The following SLIT3 variants were observed in gnomAD, a reference collection of about 807,000 sequenced individuals.
SLIT3 encodes slit homolog 3 protein.
Under a neutral mutation model 184.0 loss-of-function variants are expected in SLIT3, and 68 were observed. The ratio of observed to expected loss-of-function variants is 0.37; its 90% CI spans 0.30 to 0.45. SLIT3 has a LOEUF of 0.45. SLIT3 is among the 20% of genes least tolerant of loss of function. SLIT3 has a pLI of 1.00. For missense variants in SLIT3, 1,707 were observed against 2,026.0 expected, an observed-to-expected ratio of 0.84 and a Z score of 3.02; for synonymous variants, 831 against 828.6, an observed-to-expected ratio of 1.00 and a Z score of -0.05.
intron 27 of SLIT3, among the ~76,000 whole-genome samples, chr5:168,700,267 G>T (rs1762175026): frequency 6.6e-6 from 1 of 152,152 alleles, no homozygotes; most frequent in African/African-American, 2.4e-5. Context: ...AAGTGTCAAG[G>T]GTGGGGCCAG....
intron 31 of SLIT3, 67 bp downstream of exon 31, chr5:168,685,620 T>A: frequency 6.7e-7 from 1 of 1,490,884 alleles, no homozygotes; most frequent in Non-Finnish European, 8.9e-7. Flanking sequence ...TTCCAGCAAT[T>A]TTCTGAACTA....
At chr5:168,723,135 T>G in intron 21 of SLIT3, 131 bp from the exon 22 acceptor site, 1 of 686,498 alleles carries the variant, frequency 1.5e-6, no homozygotes, top group South Asian at 1.7e-5. Flanking sequence ...ACCTATTCAT[T>G]AATTCACTCA....
chr5:168,801,598 C>A lies in SLIT3; in HGVS notation c.935+4848G>T, dbSNP rs565702761. On this transcript the variant is annotated intron_variant, in intron 9 of 35. Transcript: ENST00000519560. ...AGAGCAAAAGTGGAAGAAGATGGGA[C>A]TCTAAAGACAGATGGTCCCTCCAGA... 4.6e-5 allele frequency among the ~76,000 whole-genome samples: 7 copies of A among 152,296 alleles called. No individual in the cohort carries two copies. In the East Asian group the frequency reaches 1.4e-3, roughly 29 times the overall value.
At chr5:168,708,317 C>A (rs923492904) in intron 25 of SLIT3, 13 of 603,128 alleles carry the variant, frequency 2.2e-5, no homozygotes, top group Non-Finnish European at 3.8e-5. Flanking sequence ...AGTGGGACAT[C>A]ATTCAGAAAC....
At chr5:169,074,488 G>T (rs376258173) in intron 4 of SLIT3, among the ~76,000 whole-genome samples, 198 of 152,198 alleles carry the variant, frequency 1.3e-3, no homozygotes, top group Middle Eastern at 0.01. Flanking sequence ...TGTCCCAAAA[G>T]TTTTTCAATT....
intron 4 of SLIT3, among the ~76,000 whole-genome samples, chr5:168,955,530 C>A (rs113995320): frequency 0.016 from 2,462 of 152,284 alleles, 76 homozygotes; most frequent in African/African-American, 0.055. Flanking sequence ...GGTCTAGGAA[C>A]CTAAGCCATG....
intron 4 of SLIT3, among the ~76,000 whole-genome samples, chr5:169,130,512 G>T (rs1761254665): frequency 6.6e-6 from 1 of 152,142 alleles, no homozygotes; most frequent in East Asian, 1.9e-4. Context: ...ATAACACCTG[G>T]TTGACAGAGC....
intron 5 of SLIT3, among the ~76,000 whole-genome samples, chr5:168,852,194 C>T (rs1486197609): frequency 6.6e-6 from 1 of 152,148 alleles, no homozygotes; most frequent in Admixed American, 6.6e-5. Context: ...CCGGCAGAGG[C>T]GCAGGAGGGA....
At chr5:168,882,350 GGGCCCA>G (rs1163648598) in intron 5 of SLIT3, among the ~76,000 whole-genome samples, 1 of 152,178 alleles carries the variant, frequency 6.6e-6, no homozygotes, top group Non-Finnish European at 1.5e-5. Context: ...GTCCTTGTAG[GGGCCCA>G]GGAGTCACGA....
At chr5:168,928,134 T>C (rs1761886677) in intron 4 of SLIT3, among the ~76,000 whole-genome samples, 2 of 152,344 alleles carry the variant, frequency 1.3e-5, no homozygotes, top group South Asian at 4.1e-4. Flanking sequence ...ACAGGTACTC[T>C]TTGTTTAATG....
chr5:169,015,156 G>A (rs1431939331), intron 4 of SLIT3, among the ~76,000 whole-genome samples: 1 of 151,664 alleles, frequency 6.6e-6, no homozygotes, highest in Non-Finnish European at 1.5e-5. Flanking sequence ...GGCTCAGCCT[G>A]GTTTTTCTGT....
intron 5 of SLIT3, among the ~76,000 whole-genome samples, chr5:168,852,911 T>G (rs939856648): frequency 1.3e-5 from 2 of 152,254 alleles, no homozygotes; most frequent in East Asian, 3.8e-4. Context: ...GTGGCATTAC[T>G]TAATTTTATT....
chr5:168,690,875 C>T (rs144187713), intron 29 of SLIT3, among the ~76,000 whole-genome samples: 7 of 152,258 alleles, frequency 4.6e-5, no homozygotes, highest in East Asian at 1.9e-4. Context: ...AAGGAAGACA[C>T]GATAAAAGAC....
intron 1 of SLIT3, among the ~76,000 whole-genome samples, chr5:169,255,285 G>C (rs768591394): frequency 6.6e-6 from 1 of 152,246 alleles, no homozygotes; most frequent in East Asian, 1.9e-4. Flanking sequence ...TCCTTGAGGA[G>C]GTATTCCAGA....
intron 6 of SLIT3, among the ~76,000 whole-genome samples, chr5:168,831,585 T>C (rs1393215198): frequency 6.6e-6 from 1 of 152,166 alleles, no homozygotes; most frequent in African/African-American, 2.4e-5. Context: ...ATTTGACACC[T>C]CAAATTAGCA....
At chr5:168,771,548 A>G (rs1391764473) in intron 14 of SLIT3, among the ~76,000 whole-genome samples, 3 of 152,170 alleles carry the variant, frequency 2.0e-5, no homozygotes, top group Admixed American at 2.0e-4. Flanking sequence ...GAAGAAGCAA[A>G]TCAGACTAGA....
chr5:168,815,190 G>A (rs1365637421), intron 8 of SLIT3, among the ~76,000 whole-genome samples: 2 of 152,218 alleles, frequency 1.3e-5, no homozygotes, highest in African/African-American at 2.4e-5. Flanking sequence ...GTGCTCCCAC[G>A]TAACTACGAA....
chr5:168,703,584 C>G (rs1225933662), intron 26 of SLIT3, among the ~76,000 whole-genome samples: 2 of 152,036 alleles, frequency 1.3e-5, no homozygotes. Flanking sequence ...ACCATGCCCA[C>G]CACCCTAGTT....
intron 4 of SLIT3, among the ~76,000 whole-genome samples, chr5:169,072,005 C>A (rs561603578): frequency 2.8e-5 from 4 of 144,122 alleles, no homozygotes; most frequent in Admixed American, 1.4e-4. Flanking sequence ...GGAACTAGAA[C>A]AATAGCTCAG....
Sources: gnomAD v4.1 joint callset for allele counts (sites outside exome capture counted in the v4.1 genomes callset) on GRCh38, gnomAD v4.1.1 for gene constraint, MANE v1.5 for transcripts, NCBI Gene and HGNC (gene_info 2026-07-23, HGNC 2026-07-21) for gene names.